CD276: variants seen among roughly 807,000 people sequenced by gnomAD.
The protein encoded by CD276 is CD276 antigen.
CD276 carries 34 observed loss-of-function variants against 50.0 expected under a neutral mutation model. The ratio of observed to expected loss-of-function variants is 0.68; its 90% CI spans 0.52 to 0.91. CD276 has a LOEUF of 0.91. CD276 is among the 40% of genes least tolerant of loss of function. The probability of loss-of-function intolerance (pLI) is 0.00; values close to 1 mark genes in which losing one functional copy is unlikely to be tolerated. For missense variants in CD276, 634 were observed against 717.5 expected (o/e 0.88, Z 1.33); for synonymous variants, 275 against 313.0 (o/e 0.88, Z 1.28).
At chr15:73,690,350 C>A (rs556298694) in intron 1 of CD276, among the ~76,000 whole-genome samples, 1 of 152,288 alleles carries the variant, frequency 6.6e-6, no homozygotes, top group African/African-American at 2.4e-5. Flanking sequence ...AGTGGCAGAT[C>A]TCTTACCTGG....
At chr15:73,710,886 G>A (rs558913218) in intron 8 of CD276, among the ~76,000 whole-genome samples, 1 of 152,298 alleles carries the variant, frequency 6.6e-6, no homozygotes, top group South Asian at 2.1e-4. Context: ...GGGCTCGAGG[G>A]TTGTCCCATT....
chr15:73,703,654 C>T lies in CD276; in HGVS notation c.734-5C>T. 1.2e-6 allele frequency: 2 copies of T among 1,603,030 alleles called. No individual in the cohort carries two copies. Among genetic ancestry groups the T allele is most frequent in the Non-Finnish European group, 8.5e-7 (1 of 1,173,936 alleles). On this transcript the variant is annotated splice_region_variant and splice_polypyrimidine_tract_variant and intron_variant, in intron 4 of 9. Transcript: ENST00000318443. ...ACCACCCTGCCCCTCTGACCCCGCC[C>T]CCAGGAGCCGTGGAGGTCCAGGTCC... is the stretch of plus-strand genomic sequence containing the variant.
At chr15:73,698,723 G>A (rs1441460730) in intron 1 of CD276, among the ~76,000 whole-genome samples, 2 of 152,084 alleles carry the variant, frequency 1.3e-5, no homozygotes, top group Non-Finnish European at 2.9e-5. Flanking sequence ...ACCATGCCCA[G>A]CTAATTATTT....
intron 1 of CD276, among the ~76,000 whole-genome samples, chr15:73,696,950 T>C (rs965265827): frequency 6.6e-6 from 1 of 151,132 alleles, no homozygotes. Flanking sequence ...TGAGAAGCAG[T>C]GTGGAGAGTG....
chr15:73,708,578 AGT>A lies in CD276; in HGVS notation c.1504+115_1504+116del, dbSNP rs200433977. 4.2e-4 allele frequency: 570 copies of A among 1,352,408 alleles called. 2 individuals are homozygous for A. In the African/African-American group the frequency reaches 6.2e-3, roughly 15 times the overall value. 83.8% of individuals were successfully genotyped at this position (1,352,408 alleles called of 1,614,324 possible). ...AGTGTCACTTTCTAGTGACAGAACG[AGT>A]GTGTGTGTGCAGATGGGGCTGGATT... On this transcript the variant is annotated intron_variant, in intron 7 of 9. Coordinates refer to ENST00000318443, the MANE Select transcript of CD276 (RefSeq NM_001024736.2).
chr15:73,698,092 GA>G (rs1463322059), intron 1 of CD276, among the ~76,000 whole-genome samples: 1 of 152,110 alleles, frequency 6.6e-6, no homozygotes, highest in Non-Finnish European at 1.5e-5. Flanking sequence ...AGCAGGGCTG[GA>G]TTTAGGGATG....
At position 73,689,984 on chromosome 15, in the gene CD276, A is replaced by G. The variant is rs146353942; in HGVS notation, c.-55+5524A>G. ...CTGTTTTCCTTTTTTCGTTAATTGC[A>G]AAAGAATTTACATGTTCATAGTTAA... On this transcript the variant is annotated intron_variant, in intron 1 of 9. Coordinates refer to ENST00000318443, the MANE Select transcript of CD276 (RefSeq NM_001024736.2). Among the ~76,000 whole-genome samples the G allele has an allele frequency of 2.1e-3, 317 of 152,318 alleles. 1 individual carries two copies. The highest frequency in any genetic ancestry group is 7.4e-3 in the African/African-American group (308 of 41,576).
rs745909748 is a variant in CD276, at chr15:73,699,734, T to C, written c.79+16T>C. ...TGCCTCACAGGTGAGGGTAGCAGCA[T>C]GGGGACGGGAGGGGAGGGACAGTGA... is the stretch of plus-strand genomic sequence containing the variant. On this transcript the variant is annotated intron_variant, in intron 2 of 9. Transcript: ENST00000318443. 1.3e-6 allele frequency: 2 copies of C among 1,578,368 alleles called. No homozygotes were observed. Among genetic ancestry groups the C allele is most frequent in the African/African-American group, 2.7e-5 (2 of 73,766 alleles).
chr15:73,700,892 C>CCCT (rs1567017811), intron 2 of CD276, among the ~76,000 whole-genome samples: 4 of 27,190 alleles, frequency 1.5e-4, no homozygotes, highest in East Asian at 1.3e-3. Flanking sequence ...TCCCCTCCTC[C>CCCT]CCTCCTCCTC....
chr15:73,711,274 C>T, intron 9 of CD276, 104 bp downstream of exon 9: 1 of 1,255,922 alleles, frequency 8.0e-7, no homozygotes. Context: ...GACCTGAGGC[C>T]CCCTCTGCAG....
intron 1 of CD276, among the ~76,000 whole-genome samples, chr15:73,696,907 G>A (rs1429309084): frequency 6.6e-6 from 1 of 152,124 alleles, no homozygotes; most frequent in Non-Finnish European, 1.5e-5. Context: ...GGCCAGTGAG[G>A]GGGGTGATGG....
chr15:73,693,915 A>G (rs1307035561), intron 1 of CD276, among the ~76,000 whole-genome samples: 1 of 151,046 alleles, frequency 6.6e-6, no homozygotes, highest in Non-Finnish European at 1.5e-5. Flanking sequence ...GGGGAGGGGC[A>G]GGGAAAGGTT....
chr15:73,691,374 T>C (rs1899982832), intron 1 of CD276, among the ~76,000 whole-genome samples: 1 of 152,192 alleles, frequency 6.6e-6, no homozygotes, highest in Non-Finnish European at 1.5e-5. Flanking sequence ...ATCAATTCTT[T>C]AGATTGTTGG....
At chr15:73,696,238 C>T (rs188030375) in intron 1 of CD276, among the ~76,000 whole-genome samples, 5 of 152,256 alleles carry the variant, frequency 3.3e-5, no homozygotes, top group African/African-American at 7.2e-5. Flanking sequence ...GGGCAGGTCC[C>T]GGCTGGGGAT....
In CD276 at chr15:73,704,017, C is replaced by T. The variant is rs372655258; in HGVS notation, c.1072+20C>T. ...TGGCCGGTGAGCACCAGGAGGGCGA[C>T]GCCTTCCCCTTGGTTCACCCTCCAT... On this transcript the variant is annotated intron_variant, in intron 5 of 9. Coordinates refer to ENST00000318443, the MANE Select transcript of CD276 (RefSeq NM_001024736.2). The surrounding 1 kb of genome is among the most constrained non-coding windows in gnomAD (Gnocchi z 4.1). 29 of 1,599,694 alleles carry T rather than the reference C, an allele frequency of 1.8e-5. No homozygotes were observed. Among genetic ancestry groups the T allele is most frequent in the African/African-American group, 2.7e-5 (2 of 74,806 alleles).
rs1025668412 is a variant in CD276 at position 73,700,758 on chromosome 15, A to C, written c.79+1040A>C. ...GCAGGAAACCTTTAATGAGTGCTGT[A>C]TTCAATTAGCATTGTTTCAAGGTTG... is the stretch of plus-strand genomic sequence containing the variant. On this transcript the variant is annotated intron_variant, in intron 2 of 9. Coordinates refer to ENST00000318443, the MANE Select transcript of CD276 (RefSeq NM_001024736.2). 4.4e-4 allele frequency among the ~76,000 whole-genome samples: 67 copies of C among 152,146 alleles called. 1 individual carries two copies. Among genetic ancestry groups the C allele is most frequent in the Admixed American group, 3.1e-3 (48 of 15,282 alleles).
Position 73,699,802 on chromosome 15 carries a change from C to G in CD276, c.79+84C>G, listed in dbSNP as rs1900309626. The G allele has an allele frequency of 2.1e-6, 3 of 1,461,696 alleles. No homozygotes were observed. The Admixed American group carries it at 7.4e-5, about 36-fold the overall frequency. The allele number at this position is 1,461,696 out of a possible 1,614,324, so 90.5% of individuals were successfully genotyped here. A position where few individuals can be genotyped will look rare whatever the true frequency, so the allele number is the denominator to read the frequency against. On this transcript the variant is annotated intron_variant, in intron 2 of 9. Transcript: ENST00000318443. ...GGGGTGCCCACGCCTGTTAGGGGTC[C>G]TGCCAAGCCAGCTCTGGCTAGCAGG...
intron 2 of CD276, among the ~76,000 whole-genome samples, chr15:73,701,908 GTTGCTTTAC>G (rs1030757871): frequency 6.6e-6 from 1 of 152,200 alleles, no homozygotes; most frequent in African/African-American, 2.4e-5. Flanking sequence ...TTGAAAAGCT[GTTGCTTTAC>G]TTACTAACCT....
chr15:73,700,015 C>T, intron 2 of CD276, among the ~76,000 whole-genome samples: 1 of 152,158 alleles, frequency 6.6e-6, no homozygotes, highest in Non-Finnish European at 1.5e-5. Flanking sequence ...ACTTTCTGCC[C>T]CTAAACGTCT....
Sources: gnomAD v4.1 joint callset for allele counts (sites outside exome capture counted in the v4.1 genomes callset) on GRCh38, gnomAD v4.1.1 for gene constraint, Gnocchi (gnomAD v3.1) non-coding constraint, MANE v1.5 for transcripts, NCBI Gene and HGNC (gene_info 2026-07-23, HGNC 2026-07-21) for gene names.